ACKR2: variants seen among roughly 807,000 people sequenced by gnomAD.
ACKR2 encodes atypical chemokine receptor 2, also known as C-C chemokine receptor D6.
For missense variants in ACKR2, 457 were observed against 477.3 expected (o/e 0.96, Z 0.40); for synonymous variants, 207 against 192.2 (o/e 1.08, Z -0.64).
chr3:42,856,486 T>C (rs2088322982), intron 2 of ACKR2: 2 of 693,524 alleles, frequency 2.9e-6, no homozygotes, highest in Admixed American at 2.1e-5. Flanking sequence ...AAAAAGGGGA[T>C]AAAACTTTTA....
chr3:42,854,093 G>A (rs1188498542), intron 2 of ACKR2, among the ~76,000 whole-genome samples: 1 of 152,146 alleles, frequency 6.6e-6, no homozygotes, highest in African/African-American at 2.4e-5. Flanking sequence ...ATGGAAGAGG[G>A]GAGATGGTGG....
chr3:42,826,118 T>C (rs539154908), intron 2 of ACKR2, among the ~76,000 whole-genome samples: 7 of 152,268 alleles, frequency 4.6e-5, no homozygotes, highest in Non-Finnish European at 7.4e-5. Flanking sequence ...TAACCCGTTA[T>C]ATCTGTAGTT....
Position 42,865,195 on chromosome 3 carries a change from C to T in ACKR2, c.693C>T (p.Ser231=). 6.2e-7 allele frequency: 1 copy of T among 1,614,188 alleles called. No homozygotes were observed. ...LPLLAMIFFY[S]RIGCVLVRLR... ...TCCTTGCCATGATCTTCTTCTACTC[C>T]CGTATTGGTTGTGTCTTGGTGAGGC... The change falls in exon 3 of 3, where the codon TCC becomes TCT. Residue 231 remains serine (S), a synonymous_variant. Coordinates refer to ENST00000422265, the MANE Select transcript of ACKR2 (RefSeq NM_001296.5).
At chr3:42,830,091 A>G (rs998975774) in intron 2 of ACKR2, among the ~76,000 whole-genome samples, 1 of 152,076 alleles carries the variant, frequency 6.6e-6, no homozygotes, top group African/African-American at 2.4e-5. Context: ...CAGGGTTCAT[A>G]TTTCTCTTCC....
At chr3:42,859,545 AT>A (rs904204992) in intron 2 of ACKR2, among the ~76,000 whole-genome samples, 7 of 151,054 alleles carry the variant, frequency 4.6e-5, no homozygotes, top group African/African-American at 1.2e-4. Flanking sequence ...TGCCCAGCTA[AT>A]TTTTTTTTGT....
chr3:42,814,803 T>A (rs1472157532), intron 1 of ACKR2, among the ~76,000 whole-genome samples: 5 of 152,202 alleles, frequency 3.3e-5, no homozygotes, highest in Non-Finnish European at 7.3e-5. Flanking sequence ...AAAGACAGTT[T>A]ATAAGTACTT....
At chr3:42,809,816 C>T (rs1015376822) in intron 1 of ACKR2, among the ~76,000 whole-genome samples, 14 of 151,424 alleles carry the variant, frequency 9.2e-5, no homozygotes, top group African/African-American at 2.4e-4. Context: ...GACCCGAGAT[C>T]GCGCCACTGT....
rs755607839 is a variant in ACKR2, at chr3:42,864,688, C to T, written c.186C>T (p.Ser62=). 16 of 1,614,148 alleles carry T rather than the reference C, an allele frequency of 9.9e-6. No homozygotes were observed. The highest frequency in any genetic ancestry group is 3.3e-4 in the Middle Eastern group (2 of 6,062). Reference sequence around the variant, plus strand: ...GCCTGATTTTTGTGTTGGGCCTCAGCGGGAACCTCCTTCTTCTCATGGTCT... The same window carrying T: ...GCCTGATTTTTGTGTTGGGCCTCAGTGGGAACCTCCTTCTTCTCATGGTCT... ...FYSLIFVLGL[S]GNLLLLMVLL... Residue 62 remains serine (S), a synonymous_variant, in exon 3 of 3, where the codon AGC becomes AGT. Coordinates refer to ENST00000422265, the MANE Select transcript of ACKR2 (RefSeq NM_001296.5).
rs764776544 is a variant in ACKR2, at chr3:42,864,975, G to A, written c.473G>A (p.Arg158Gln). 5.6e-5 allele frequency: 90 copies of A among 1,614,072 alleles called. No homozygotes were observed. The South Asian group carries it at 8.9e-4, about 16-fold the overall frequency. The change falls in exon 3 of 3, where the codon CGG becomes CAG. Residue 158 changes from arginine to glutamine, a missense_variant. Coordinates refer to ENST00000422265, the MANE Select transcript of ACKR2 (RefSeq NM_001296.5). ...CAGCCCTACCACAGGCTGAGGACCC[G>A]GGCCAAGAGCCTGCTCCTTGCTACC... Reference protein sequence around the residue: ...HAQPYHRLRTRAKSLLLATIV... With the variant: ...HAQPYHRLRTQAKSLLLATIV...
chr3:42,835,629 A>C (rs945673448), intron 2 of ACKR2: 1 of 152,158 alleles, frequency 6.6e-6, no homozygotes, highest in African/African-American at 2.4e-5. Context: ...TTCTAATTTG[A>C]TGGTGAAGAG....
At position 42,864,572 on chromosome 3, in the gene ACKR2, T is replaced by A; in HGVS notation, c.70T>A (p.Tyr24Asn). The A allele has an allele frequency of 6.2e-7, 1 of 1,614,156 alleles. No individual in the cohort carries two copies. Among genetic ancestry groups the A allele is most frequent in the Non-Finnish European group, 8.5e-7 (1 of 1,180,010 alleles). Reference sequence around the variant, plus strand: ...CGATTCTGAGAATAGCAGCTTCTATTACTATGACTACCTGGATGAAGTGGC... The same window carrying A: ...CGATTCTGAGAATAGCAGCTTCTATAACTATGACTACCTGGATGAAGTGGC... Reference protein sequence around the residue: ...DADSENSSFYYYDYLDEVAFM... With the variant: ...DADSENSSFYNYDYLDEVAFM... The change falls in exon 3 of 3, where the codon TAC becomes AAC. Residue 24 changes from tyrosine (Y) to asparagine (N), a missense_variant. Physicochemically the swap from Tyr to Asn is moderately radical, Grantham distance 143. Coordinates refer to ENST00000422265, the MANE Select transcript of ACKR2 (RefSeq NM_001296.5).
At chr3:42,843,927 C>T (rs1701065879) in intron 2 of ACKR2, 1 of 152,220 alleles carries the variant, frequency 6.6e-6, no homozygotes, top group Non-Finnish European at 1.5e-5. Flanking sequence ...AGCCACACTT[C>T]CCACTCTGAT....
chr3:42,841,446 G>A (rs1477301347), intron 2 of ACKR2: 1 of 152,172 alleles, frequency 6.6e-6, no homozygotes, highest in Non-Finnish European at 1.5e-5. Context: ...TGCATACCAG[G>A]TATGGGTCCT....
intron 1 of ACKR2, among the ~76,000 whole-genome samples, chr3:42,812,968 C>G (rs923321247): frequency 1.3e-5 from 2 of 152,118 alleles, no homozygotes; most frequent in African/African-American, 4.8e-5. Context: ...GGATTACAGG[C>G]ATGAGCCACT....
At chr3:42,842,985 C>CAAAA (rs199716542) in intron 2 of ACKR2, among the ~76,000 whole-genome samples, 1 of 80,834 alleles carries the variant, frequency 1.2e-5, no homozygotes, top group Non-Finnish European at 2.3e-5. Flanking sequence ...ACTCTGTCTC[C>CAAAA]AAAAAAAAAA....
At chr3:42,823,663 A>G (rs116826166) in intron 2 of ACKR2, among the ~76,000 whole-genome samples, 2,069 of 152,330 alleles carry the variant, frequency 0.014, 19 homozygotes, top group African/African-American at 0.029. Context: ...AGGGGAGCTA[A>G]GCACCATTCA....
In ACKR2 at chr3:42,864,708, T is replaced by C. The variant is rs1374858755; in HGVS notation, c.206T>C (p.Met69Thr). ...LGLSGNLLLL[M>T]VLLRYVPRRR... ...CTCAGCGGGAACCTCCTTCTTCTCA[T>C]GGTCTTGCTCCGTTACGTGCCTCGC... Residue 69 changes from methionine (M) to threonine (T), a missense_variant, in exon 3 of 3, where the codon ATG becomes ACG. Coordinates refer to ENST00000422265, the MANE Select transcript of ACKR2 (RefSeq NM_001296.5). 6.2e-7 allele frequency: 1 copy of C among 1,614,206 alleles called. No individual in the cohort carries two copies. The highest frequency in any genetic ancestry group is 8.5e-7 in the Non-Finnish European group (1 of 1,180,030).
chr3:42,851,338 G>A, intron 2 of ACKR2: 1 of 984,948 alleles, frequency 1.0e-6, no homozygotes. Context: ...GAGAGGGGAT[G>A]AGCGCATGGA....
At chr3:42,843,001 AAAG>A (rs1357258175) in intron 2 of ACKR2, among the ~76,000 whole-genome samples, 22 of 141,496 alleles carry the variant, frequency 1.6e-4, no homozygotes, top group African/African-American at 5.0e-4. Context: ...AAAAAAAAAA[AAAG>A]AAAGAAATCA....
Sources: allele counts gnomAD v4.1 joint callset (sites outside exome capture counted in the v4.1 genomes callset), GRCh38; gene constraint gnomAD v4.1.1; transcripts MANE v1.5; gene names NCBI Gene and HGNC (gene_info 2026-07-23, HGNC 2026-07-21).